Variants in INTS4 observed in about 807,000 individuals in gnomAD.
INTS4 encodes the protein integrator complex subunit 4.
In INTS4, 70 loss-of-function variants were observed where a neutral mutation model predicts 119.5. The ratio of observed to expected loss-of-function variants is 0.59; its 90% CI spans 0.48 to 0.71. INTS4 has a LOEUF of 0.71. INTS4 is among the 30% of genes least tolerant of loss of function. The pLI, the probability that INTS4 is intolerant of heterozygous loss-of-function variation, is 0.00. For synonymous variants in INTS4, 316 were observed against 419.6 expected (o/e 0.75, Z 3.02); for missense variants, 867 against 1,173.2 (o/e 0.74, Z 3.81).
intron 8 of INTS4, among the ~76,000 whole-genome samples, chr11:77,953,737 T>A (rs1954251514): frequency 6.6e-6 from 1 of 152,130 alleles, no homozygotes; most frequent in Non-Finnish European, 1.5e-5. Flanking sequence ...GTGTGTGTCA[T>A]CACACCAGGC....
chr11:77,885,325 C>T (rs1951958501), intron 21 of INTS4, among the ~76,000 whole-genome samples: 2 of 152,054 alleles, frequency 1.3e-5, no homozygotes, highest in Non-Finnish European at 1.5e-5. Context: ...GATCTTCCTA[C>T]TTCAGCCTCC....
chr11:77,935,821 A>G (rs755287027), intron 10 of INTS4, among the ~76,000 whole-genome samples: 6 of 151,374 alleles, frequency 4.0e-5, no homozygotes, highest in African/African-American at 4.9e-5. Flanking sequence ...ATTTGAGCCC[A>G]GGAGGTCAAG....
At chr11:77,960,698 C>G (rs188315576) in intron 5 of INTS4, among the ~76,000 whole-genome samples, 10 of 152,142 alleles carry the variant, frequency 6.6e-5, no homozygotes, top group Admixed American at 3.3e-4. Flanking sequence ...TCATATGCCT[C>G]CAAGTCGAAG....
At chr11:77,918,296 G>A (rs1446950374) in intron 15 of INTS4, 2 of 559,516 alleles carry the variant, frequency 3.6e-6, no homozygotes, top group Admixed American at 2.6e-5. Context: ...AATTAGCCAG[G>A]TGTGGTGGCA....
intron 2 of INTS4, among the ~76,000 whole-genome samples, chr11:77,988,127 A>G (rs1009375177): frequency 1.3e-5 from 2 of 152,260 alleles, no homozygotes; most frequent in Non-Finnish European, 1.5e-5. Context: ...TAAGTGAAAC[A>G]TTTATAATGT....
chr11:77,903,716 C>T, intron 16 of INTS4, 96 bp from the exon 17 acceptor site: 2 of 854,984 alleles, frequency 2.3e-6, no homozygotes, highest in Non-Finnish European at 3.7e-6. Flanking sequence ...GAAAGTCTCC[C>T]ATGAACATGA....
At chr11:77,921,515 G>A (rs1953360099) in intron 13 of INTS4, 42 bp from the exon 14 acceptor site, 2 of 1,478,124 alleles carry the variant, frequency 1.4e-6, no homozygotes, top group Middle Eastern at 2.0e-4. Context: ...AGTATAAAAG[G>A]TTGGCCAGAT....
chr11:77,882,176 G>A (rs759395106), intron 22 of INTS4, among the ~76,000 whole-genome samples: 10 of 152,054 alleles, frequency 6.6e-5, no homozygotes, highest in African/African-American at 1.4e-4. Flanking sequence ...TCAGCCTCCC[G>A]AAGATTACAG....
Position 77,891,459 on chromosome 11 carries a change from G to A in INTS4, c.2452C>T (p.His818Tyr). Residue 818 changes from histidine (H) to tyrosine (Y), a missense_variant, in exon 21 of 23, where the codon CAC becomes TAC. By Grantham distance (83) the His-to-Tyr change is moderately conservative. Coordinates refer to ENST00000534064, the MANE Select transcript of INTS4 (RefSeq NM_033547.4). ...TCGATGATGGTGGCTGAGGCTTTGTGGATCTGTAAGCAAGAGGAAAATCCT... is the reference window on the plus strand; with the variant it reads ...TCGATGATGGTGGCTGAGGCTTTGTAGATCTGTAAGCAAGAGGAAAATCCT... ...FLHLPLPEQI[H>Y]KASATIIEPA... 3 of 1,613,758 alleles carry A rather than the reference G, an allele frequency of 1.9e-6. No homozygotes were observed. The highest frequency in any genetic ancestry group is 2.5e-6 in the Non-Finnish European group (3 of 1,179,784).
intron 10 of INTS4, 106 bp from the exon 11 acceptor site, chr11:77,928,653 C>A: frequency 6.8e-7 from 1 of 1,470,716 alleles, no homozygotes. Context: ...CTTGAGCCCG[C>A]CTATGCAATG....
At chr11:77,893,737 A>G (rs1304532569) in intron 19 of INTS4, among the ~76,000 whole-genome samples, 1 of 152,092 alleles carries the variant, frequency 6.6e-6, no homozygotes, top group Non-Finnish European at 1.5e-5. Flanking sequence ...TACTAAAAAT[A>G]CAAAAATTAG....
intron 1 of INTS4, 39 bp downstream of exon 1, chr11:77,994,551 G>A (rs375281520): frequency 3.4e-4 from 499 of 1,483,588 alleles, no homozygotes; most frequent in Non-Finnish European, 4.6e-4. Flanking sequence ...AATCTACCCT[G>A]GTCCGGATCG....
intron 4 of INTS4, chr11:77,978,063 T>G (rs1856023194): frequency 1.3e-5 from 2 of 152,032 alleles, no homozygotes; most frequent in Admixed American, 6.6e-5. Context: ...TAATTTTTTT[T>G]GTATTTTTAG....
intron 8 of INTS4, among the ~76,000 whole-genome samples, chr11:77,951,203 T>G (rs983262328): frequency 2.0e-5 from 3 of 152,214 alleles, no homozygotes; most frequent in African/African-American, 7.2e-5. Context: ...TGTGTCTTTA[T>G]AGCAGCGTGA....
chr11:77,960,792 G>T (rs1469901547), intron 5 of INTS4, among the ~76,000 whole-genome samples, 161 bp downstream of exon 5: 1 of 152,158 alleles, frequency 6.6e-6, no homozygotes, highest in Non-Finnish European at 1.5e-5. Context: ...AAGCACACTT[G>T]TATACAGGAA....
At chr11:77,961,960 T>G (rs1314640244) in intron 4 of INTS4, among the ~76,000 whole-genome samples, 1 of 152,250 alleles carries the variant, frequency 6.6e-6, no homozygotes. Context: ...TGTTCACATT[T>G]TTGTTGGATA....
At chr11:77,918,247 C>T (rs1953252072) in intron 15 of INTS4, 1 of 625,862 alleles carries the variant, frequency 1.6e-6, no homozygotes, top group Non-Finnish European at 2.9e-6. Flanking sequence ...GCCTGGCCAC[C>T]ATGGTGAAAC....
At chr11:77,913,984 G>A (rs1320608518) in intron 15 of INTS4, among the ~76,000 whole-genome samples, 2 of 152,184 alleles carry the variant, frequency 1.3e-5, no homozygotes, top group East Asian at 3.9e-4. Context: ...GGAATCCCCT[G>A]TAAATCACTG....
chr11:77,954,486 G>A (rs1372327616), intron 8 of INTS4, among the ~76,000 whole-genome samples: 1 of 152,044 alleles, frequency 6.6e-6, no homozygotes, highest in African/African-American at 2.4e-5. Context: ...TTACTGTAAA[G>A]AGAAAATGAG....
Sources: allele counts gnomAD v4.1 joint callset (sites outside exome capture counted in the v4.1 genomes callset), GRCh38; gene constraint gnomAD v4.1.1; transcripts MANE v1.5; gene names NCBI Gene and HGNC (gene_info 2026-07-23, HGNC 2026-07-21).